The following SLC24A4 variants were observed in gnomAD, a reference collection of about 807,000 sequenced individuals.
SLC24A4 encodes the protein solute carrier family 24 member 4, also known as sodium/potassium/calcium exchanger 4.
SLC24A4 carries 53 observed loss-of-function variants against 79.0 expected under a neutral mutation model. That is an observed-to-expected ratio of 0.67 (90% CI 0.54 to 0.84). SLC24A4 has a LOEUF of 0.84. Ranked by LOEUF, SLC24A4 falls within the 40% of genes least tolerant of loss-of-function variation. The pLI is 0.00. For missense variants in SLC24A4, 731 were observed against 822.0 expected (o/e 0.89, Z 1.35); for synonymous variants, 323 against 323.8 (o/e 1.00, Z 0.03).
intron 2 of SLC24A4, among the ~76,000 whole-genome samples, chr14:92,348,405 A>C (rs1377943683): frequency 6.6e-6 from 1 of 152,260 alleles, no homozygotes; most frequent in South Asian, 2.1e-4. Context: ...TTTGCGGATC[A>C]TACAGTTTCT....
At chr14:92,331,056 C>A (rs1032209293) in intron 2 of SLC24A4, among the ~76,000 whole-genome samples, 1 of 152,160 alleles carries the variant, frequency 6.6e-6, no homozygotes, top group African/African-American at 2.4e-5. Context: ...CTGGGCCCAG[C>A]CCTGACCTGT....
chr14:92,457,071 C>G (rs1481700862), intron 12 of SLC24A4, among the ~76,000 whole-genome samples: 23 of 152,172 alleles, frequency 1.5e-4, no homozygotes, highest in Admixed American at 1.5e-3. Flanking sequence ...ACAGTCATAC[C>G]TTGTGTGTTT....
At chr14:92,327,006 A>G (rs914145563) in intron 2 of SLC24A4, among the ~76,000 whole-genome samples, 7 of 151,954 alleles carry the variant, frequency 4.6e-5, no homozygotes, top group African/African-American at 7.3e-5. Context: ...AAATTGTCAT[A>G]CTCTGTGAGG....
At chr14:92,434,103 G>T in intron 3 of SLC24A4, 115 bp downstream of exon 3, 1 of 817,804 alleles carries the variant, frequency 1.2e-6, no homozygotes, top group Non-Finnish European at 2.1e-6. Context: ...GCCCAGTGAG[G>T]AGAGCGGAGA....
chr14:92,357,257 A>G (rs1473698911), intron 2 of SLC24A4, among the ~76,000 whole-genome samples: 1 of 152,248 alleles, frequency 6.6e-6, no homozygotes, highest in Non-Finnish European at 1.5e-5. Flanking sequence ...AGACCCAGAC[A>G]GAAAGGCTGA....
chr14:92,482,393 C>G (rs903376631), intron 12 of SLC24A4, among the ~76,000 whole-genome samples: 1 of 152,248 alleles, frequency 6.6e-6, no homozygotes, highest in East Asian at 1.9e-4. Flanking sequence ...CCCATTCCAG[C>G]TCCTCTGGGT....
intron 2 of SLC24A4, among the ~76,000 whole-genome samples, chr14:92,412,454 C>T (rs1409135657): frequency 3.3e-5 from 5 of 152,152 alleles, no homozygotes; most frequent in Non-Finnish European, 4.4e-5. Flanking sequence ...GTCAACGCCC[C>T]GCACTCTGAG....
chr14:92,352,208 G>C (rs1195350547), intron 2 of SLC24A4, among the ~76,000 whole-genome samples: 1 of 152,154 alleles, frequency 6.6e-6, no homozygotes, highest in Non-Finnish European at 1.5e-5. Context: ...ACAGGTGTGG[G>C]AGGCAATCAG....
intron 12 of SLC24A4, among the ~76,000 whole-genome samples, chr14:92,464,984 C>T (rs1484870508): frequency 1.3e-5 from 2 of 152,096 alleles, no homozygotes; most frequent in Non-Finnish European, 2.9e-5. Flanking sequence ...GCCCCAGCAC[C>T]GTGCCTGACA....
At chr14:92,437,089 C>T (rs1489325743) in intron 3 of SLC24A4, among the ~76,000 whole-genome samples, 1 of 152,212 alleles carries the variant, frequency 6.6e-6, no homozygotes, top group African/African-American at 2.4e-5. Context: ...CTGTTGCAAA[C>T]AGGACATCCA....
chr14:92,344,898 T>A (rs1886440161), intron 2 of SLC24A4, among the ~76,000 whole-genome samples: 1 of 152,136 alleles, frequency 6.6e-6, no homozygotes, highest in African/African-American at 2.4e-5. Flanking sequence ...ACTACCTGTT[T>A]CCAAAATGCT....
At position 92,486,883 on chromosome 14, in the gene SLC24A4, A is replaced by G. The variant is rs543018814; in HGVS notation, c.1537+103A>G. On this transcript the variant is annotated intron_variant, in intron 14 of 16. Coordinates refer to ENST00000532405, the MANE Select transcript of SLC24A4 (RefSeq NM_153646.4). Reference sequence around the variant, plus strand: ...CCAAGTTGTGGCTCTTATGACTGGCAGTTGTCAAGTCCTGCTGTGGAGAAA... The same window carrying G: ...CCAAGTTGTGGCTCTTATGACTGGCGGTTGTCAAGTCCTGCTGTGGAGAAA... 17 of 716,978 alleles carry G rather than the reference A, an allele frequency of 2.4e-5. No individual in the cohort carries two copies. In the East Asian group the frequency reaches 4.0e-4, roughly 17 times the overall value. 44.4% of individuals were successfully genotyped at this position (716,978 alleles called of 1,614,324 possible). A position where few individuals can be genotyped will look rare whatever the true frequency, so the allele number is the denominator to read the frequency against.
intron 2 of SLC24A4, among the ~76,000 whole-genome samples, chr14:92,332,535 A>G (rs1012892902): frequency 6.6e-6 from 1 of 152,146 alleles, no homozygotes; most frequent in Non-Finnish European, 1.5e-5. Flanking sequence ...CATTGTGGGG[A>G]GCACTTGAGA....
At chr14:92,363,523 C>T (rs549042086) in intron 2 of SLC24A4, among the ~76,000 whole-genome samples, 1 of 152,334 alleles carries the variant, frequency 6.6e-6, no homozygotes, top group Non-Finnish European at 1.5e-5. Flanking sequence ...TCCAGATTGA[C>T]CTTCTGAAAG....
At chr14:92,385,390 G>C (rs541489473) in intron 2 of SLC24A4, among the ~76,000 whole-genome samples, 22 of 151,950 alleles carry the variant, frequency 1.4e-4, no homozygotes, top group African/African-American at 5.1e-4. Context: ...TCAGCTGCTC[G>C]GGAGGCTGAG....
chr14:92,329,726 C>T (rs191806110), intron 2 of SLC24A4, among the ~76,000 whole-genome samples: 33 of 152,342 alleles, frequency 2.2e-4, no homozygotes, highest in South Asian at 1.2e-3. Flanking sequence ...AGGGTGGCCT[C>T]AAACTCCTAG....
chr14:92,348,314 G>A (rs1886658000), intron 2 of SLC24A4, among the ~76,000 whole-genome samples: 1 of 152,242 alleles, frequency 6.6e-6, no homozygotes, highest in South Asian at 2.1e-4. Flanking sequence ...TGACACAGTA[G>A]TATTTTTATC....
At chr14:92,449,366 T>G in intron 10 of SLC24A4, 150 bp downstream of exon 10, 2 of 1,129,532 alleles carry the variant, frequency 1.8e-6, no homozygotes, top group Non-Finnish European at 2.5e-6. Flanking sequence ...TCTCTTACCT[T>G]TGACCACAGG....
At position 92,440,411 on chromosome 14, in the gene SLC24A4, G is replaced by A. The variant is rs939836392; in HGVS notation, c.393+1002G>A. Among the ~76,000 whole-genome samples the A allele has an allele frequency of 3.9e-5, 6 of 152,294 alleles. No homozygotes were observed. In the East Asian group the frequency reaches 5.8e-4, roughly 15 times the overall value. On this transcript the variant is annotated intron_variant, in intron 4 of 16. Transcript: ENST00000532405. ...CACCCAGGGCCCCTGTGGAGTGTGC[G>A]CTGCAGCGATGGCGGTTATTAAGTG... is the stretch of plus-strand genomic sequence containing the variant.
Sources: allele counts gnomAD v4.1 joint callset (sites outside exome capture counted in the v4.1 genomes callset), GRCh38; gene constraint gnomAD v4.1.1; transcripts MANE v1.5; gene names NCBI Gene and HGNC (gene_info 2026-07-23, HGNC 2026-07-21).